Variants in BTBD9 observed in about 807,000 individuals in gnomAD.
The protein encoded by BTBD9 is BTB/POZ domain-containing protein 9.
Under a neutral mutation model 64.3 loss-of-function variants are expected in BTBD9, and 49 were observed. The observed-to-expected ratio is 0.76, with a 90% CI of 0.61 to 0.97. The LOEUF is 0.97. BTBD9 is among the 50% of genes least tolerant of loss of function. The pLI is 0.00. For synonymous variants in BTBD9, 260 were observed against 274.7 expected (o/e 0.95, Z 0.53); for missense variants, 598 against 762.1 (o/e 0.78, Z 2.53).
At chr6:38,455,949 T>C (rs907710753) in intron 6 of BTBD9, among the ~76,000 whole-genome samples, 3 of 151,986 alleles carry the variant, frequency 2.0e-5, no homozygotes, top group South Asian at 2.1e-4. Flanking sequence ...AGTGCTGGGA[T>C]TACAGGCATG....
intron 10 of BTBD9, among the ~76,000 whole-genome samples, chr6:38,188,831 C>T (rs751211350): frequency 1.3e-5 from 2 of 152,190 alleles, no homozygotes; most frequent in East Asian, 1.9e-4. Context: ...GCGCTCATGC[C>T]TGCGCCCTCT....
At chr6:38,288,920 C>T (rs989260025) in intron 7 of BTBD9, among the ~76,000 whole-genome samples, 3 of 151,868 alleles carry the variant, frequency 2.0e-5, no homozygotes, top group Admixed American at 1.3e-4. Flanking sequence ...GAGCGAGACT[C>T]GTCTCCAAAA....
At chr6:38,527,121 A>T (rs554060211) in intron 6 of BTBD9, among the ~76,000 whole-genome samples, 1 of 151,910 alleles carries the variant, frequency 6.6e-6, no homozygotes, top group East Asian at 1.9e-4. Context: ...CTAAAAACAC[A>T]AAAAATTAGC....
chr6:38,614,285 G>C (rs1777718187), intron 1 of BTBD9, among the ~76,000 whole-genome samples: 1 of 152,042 alleles, frequency 6.6e-6, no homozygotes, highest in African/African-American at 2.4e-5. Context: ...ATCATACCTT[G>C]CTATGATTTT....
intron 6 of BTBD9, among the ~76,000 whole-genome samples, chr6:38,533,689 A>T (rs1293030749): frequency 6.6e-6 from 1 of 152,222 alleles, no homozygotes; most frequent in African/African-American, 2.4e-5. Context: ...AATATCAAGC[A>T]TCTTTTCTGA....
At chr6:38,451,643 G>C (rs1769555609) in intron 6 of BTBD9, among the ~76,000 whole-genome samples, 1 of 152,118 alleles carries the variant, frequency 6.6e-6, no homozygotes. Flanking sequence ...CACATATGAA[G>C]ACGATGATAG....
At position 38,302,497 on chromosome 6, in the gene BTBD9, A is replaced by G. The variant is rs1292972595; in HGVS notation, c.1265-14036T>C. On this transcript the variant is annotated intron_variant, in intron 7 of 10. Transcript: ENST00000481247. ...CCATTGTGTGTATGTATATATATAT[A>G]TATATATATATATATATATATATAT... is the stretch of plus-strand genomic sequence containing the variant. 4.9e-3 allele frequency among the ~76,000 whole-genome samples: 238 copies of G among 48,252 alleles called. 2 individuals carry two copies. The highest frequency in any genetic ancestry group is 0.02 in the South Asian group (42 of 2,120). 31.7% of individuals were successfully genotyped at this position (48,252 alleles called of 152,430 possible). A position where few individuals can be genotyped will look rare whatever the true frequency, so the allele number is the denominator to read the frequency against.
Position 38,448,737 on chromosome 6 carries a change from C to T in BTBD9, c.1155-103644G>A, listed in dbSNP as rs1769385907. Among the ~76,000 whole-genome samples, 5 of 152,252 alleles carry T rather than the reference C, an allele frequency of 3.3e-5. No individual in the cohort carries two copies. The South Asian group carries it at 1.0e-3, about 32-fold the overall frequency. ...TTTGCCATGTTGGCCAGGTTGGTTT[C>T]CAACTCCTGGCCTCAAGTGATCCGC... On this transcript the variant is annotated intron_variant, in intron 6 of 10. Coordinates refer to ENST00000481247, the MANE Select transcript of BTBD9 (RefSeq NM_001099272.2).
Position 38,563,776 on chromosome 6 carries a change from C to CTTT in BTBD9, c.1154+13821_1154+13823dup, listed in dbSNP as rs57927975. Among the ~76,000 whole-genome samples the CTTT allele has an allele frequency of 2.8e-3, 318 of 113,568 alleles. 1 individual carries two copies. Among genetic ancestry groups the CTTT allele is most frequent in the East Asian group, 3.9e-3 (15 of 3,872 alleles). The allele number at this position is 113,568 out of a possible 152,430, so 74.5% of individuals were successfully genotyped here. A position where few individuals can be genotyped will look rare whatever the true frequency, so the allele number is the denominator to read the frequency against. The stretch of plus-strand genomic sequence containing the variant: ...TTTCCCCTTTTGTCTGCCTATCTAA[C>CTTT]TTTTTTTTTTTTTTTTTTTTTTTGA... On this transcript the variant is annotated intron_variant, in intron 6 of 10. Transcript: ENST00000481247.
At position 38,170,232 on chromosome 6, in the gene BTBD9, C is replaced by T. The variant is rs1460782927; in HGVS notation, c.*4753G>A. The T allele has an allele frequency of 6.6e-5, 10 of 152,362 alleles. No homozygotes were observed. The highest frequency in any genetic ancestry group is 1.3e-4 in the Non-Finnish European group (9 of 68,170). The allele number at this position is 152,362 out of a possible 1,614,324, so 9.4% of individuals were successfully genotyped here. On this transcript the variant is annotated 3_prime_UTR_variant, in exon 11 of 11. Transcript: ENST00000481247. Reference sequence around the variant, plus strand: ...AACAATGGTGTGTCGGGTGGGGCGGCTCTTCCATGCACCTGTCCCCTGCCT... The same window carrying T: ...AACAATGGTGTGTCGGGTGGGGCGGTTCTTCCATGCACCTGTCCCCTGCCT...
chr6:38,415,133 G>A (rs1445532173), intron 6 of BTBD9, among the ~76,000 whole-genome samples: 3 of 152,010 alleles, frequency 2.0e-5, no homozygotes, highest in African/African-American at 7.3e-5. Flanking sequence ...CATACCTTTC[G>A]TAGGTAGCAT....
rs529523002 is a variant in BTBD9 at position 38,495,678 on chromosome 6, A to G, written c.1154+81922T>C. ...CCACAGAACTCTATACAGCAGTTAG[A>G]ACTGTGATGGAACCAGTGAGGCTGG... is the stretch of plus-strand genomic sequence containing the variant. On this transcript the variant is annotated intron_variant, in intron 6 of 10. Coordinates refer to ENST00000481247, the MANE Select transcript of BTBD9 (RefSeq NM_001099272.2). Among the ~76,000 whole-genome samples the G allele has an allele frequency of 9.3e-5, 14 of 150,280 alleles. No individual in the cohort carries two copies. The South Asian group carries it at 3.0e-3, about 33-fold the overall frequency.
chr6:38,520,761 C>A (rs1211479160), intron 6 of BTBD9, among the ~76,000 whole-genome samples: 2 of 151,542 alleles, frequency 1.3e-5, no homozygotes, highest in African/African-American at 2.4e-5. Flanking sequence ...AGAGAGACCA[C>A]ATCTCTACTA....
chr6:38,182,172 A>G (rs1175271938), intron 10 of BTBD9, among the ~76,000 whole-genome samples: 1 of 152,152 alleles, frequency 6.6e-6, no homozygotes, highest in African/African-American at 2.4e-5. Flanking sequence ...AACAGCTTTT[A>G]AAAAAACTTT....
intron 6 of BTBD9, among the ~76,000 whole-genome samples, chr6:38,487,717 G>A (rs1771523431): frequency 1.3e-5 from 2 of 152,078 alleles, no homozygotes; most frequent in Non-Finnish European, 2.9e-5. Context: ...GAAAGGTGGA[G>A]GGGAATCGAG....
chr6:38,172,865 A>T lies in BTBD9; in HGVS notation c.*2120T>A, dbSNP rs915508308. The T allele has an allele frequency of 1.3e-5, 2 of 152,446 alleles. No homozygotes were observed. Among genetic ancestry groups the T allele is most frequent in the African/African-American group, 4.8e-5 (2 of 41,594 alleles). 9.4% of individuals were successfully genotyped at this position (152,446 alleles called of 1,614,324 possible). A position where few individuals can be genotyped will look rare whatever the true frequency, so the allele number is the denominator to read the frequency against. Reference sequence around the variant, plus strand: ...TTTCAGATGCGAGGCCGAGCTGCCAAGCTGCTATCTCGTTCCCGGAGCACA... The same window carrying T: ...TTTCAGATGCGAGGCCGAGCTGCCATGCTGCTATCTCGTTCCCGGAGCACA... On this transcript the variant is annotated 3_prime_UTR_variant, in exon 11 of 11. Coordinates refer to ENST00000481247, the MANE Select transcript of BTBD9 (RefSeq NM_001099272.2).
intron 6 of BTBD9, among the ~76,000 whole-genome samples, chr6:38,415,439 T>C (rs1321166646): frequency 6.6e-6 from 1 of 152,152 alleles, no homozygotes; most frequent in African/African-American, 2.4e-5. Flanking sequence ...CTTTCTCCCT[T>C]AGAGCCTCTA....
At chr6:38,459,147 T>C (rs992663400) in intron 6 of BTBD9, among the ~76,000 whole-genome samples, 3 of 152,094 alleles carry the variant, frequency 2.0e-5, no homozygotes, top group Non-Finnish European at 4.4e-5. Flanking sequence ...GCCTTTCAAG[T>C]AGCTGGGATT....
chr6:38,543,330 T>A (rs1439397316), intron 6 of BTBD9, among the ~76,000 whole-genome samples: 2 of 152,188 alleles, frequency 1.3e-5, no homozygotes, highest in Non-Finnish European at 2.9e-5. Context: ...CAATCACTGA[T>A]CTTTAACATT....
Sources: allele counts gnomAD v4.1 joint callset (sites outside exome capture counted in the v4.1 genomes callset), GRCh38; gene constraint gnomAD v4.1.1; transcripts MANE v1.5; gene names NCBI Gene and HGNC (gene_info 2026-07-23, HGNC 2026-07-21).